Variants in FGF12 observed in about 807,000 individuals in gnomAD.
FGF12 encodes fibroblast growth factor 12, also known as fibroblast growth factor 12B.
In FGF12, 14 loss-of-function variants were observed where a neutral mutation model predicts 23.6. The observed-to-expected ratio is 0.59, with a 90% CI of 0.39 to 0.93. The LOEUF is 0.93. FGF12 is among the 40% of genes least tolerant of loss of function. The pLI is 0.00. For synonymous variants in FGF12, 62 were observed against 77.3 expected (o/e 0.80, Z 1.04); for missense variants, 175 against 217.8 (o/e 0.80, Z 1.24).
Position 192,323,398 on chromosome 3 carries a change from C to T in FGF12, c.228+11963G>A, listed in dbSNP as rs187237705. On this transcript the variant is annotated intron_variant, in intron 4 of 5. Coordinates refer to ENST00000445105, the MANE Select transcript of FGF12 (RefSeq NM_004113.6). ...TCCAGCCACAGAAAAGAATGAGATC[C>T]TGTCATCTGCAACAACATTGATAGA... 8.5e-5 allele frequency among the ~76,000 whole-genome samples: 13 copies of T among 152,298 alleles called. No individual in the cohort carries two copies. In the East Asian group the frequency reaches 2.5e-3, roughly 29 times the overall value.
intron 2 of FGF12, among the ~76,000 whole-genome samples, chr3:192,466,978 T>G (rs1240665796): frequency 6.6e-6 from 1 of 152,220 alleles, no homozygotes; most frequent in Non-Finnish European, 1.5e-5. Flanking sequence ...TCTGCCTTTT[T>G]TTAGGGTTAA....
At chr3:192,223,279 T>C (rs1223261961) in intron 4 of FGF12, among the ~76,000 whole-genome samples, 2 of 152,122 alleles carry the variant, frequency 1.3e-5, no homozygotes, top group African/African-American at 4.8e-5. Context: ...AAGTCTATTT[T>C]GGGAATGGCA....
intron 4 of FGF12, among the ~76,000 whole-genome samples, chr3:192,255,780 C>T (rs1034471004): frequency 2.0e-5 from 3 of 152,002 alleles, no homozygotes; most frequent in Admixed American, 6.6e-5. Context: ...ATTTACTAAA[C>T]GTAGCCATGC....
intron 5 of FGF12, among the ~76,000 whole-genome samples, chr3:192,167,052 A>G (rs750463546): frequency 2.0e-5 from 3 of 151,934 alleles, no homozygotes; most frequent in Non-Finnish European, 4.4e-5. Context: ...TTAGGAAATC[A>G]GAGATATTCT....
At chr3:192,371,606 A>G (rs1051266919) in intron 2 of FGF12, among the ~76,000 whole-genome samples, 2 of 152,272 alleles carry the variant, frequency 1.3e-5, no homozygotes, top group Admixed American at 6.5e-5. Context: ...TTAGTTAAAC[A>G]GTAGCAATGG....
chr3:192,276,087 G>A (rs1188278871), intron 4 of FGF12, among the ~76,000 whole-genome samples: 1 of 152,194 alleles, frequency 6.6e-6, no homozygotes, highest in Non-Finnish European at 1.5e-5. Context: ...GATTCATTAA[G>A]AATCATCAAA....
At chr3:192,365,566 T>C (rs1164862320) in intron 2 of FGF12, among the ~76,000 whole-genome samples, 1 of 151,950 alleles carries the variant, frequency 6.6e-6, no homozygotes, top group African/African-American at 2.4e-5. Flanking sequence ...CACATCTCTA[T>C]AAATTAAAAA....
At chr3:192,450,455 C>T (rs771513936) in intron 2 of FGF12, among the ~76,000 whole-genome samples, 15 of 152,018 alleles carry the variant, frequency 9.9e-5, no homozygotes, top group East Asian at 1.9e-4. Flanking sequence ...TAGATAGAAC[C>T]GAACATAGGA....
At position 192,617,896 on chromosome 3, in the gene FGF12, C is replaced by T. The variant is rs142126415; in HGVS notation, c.13+109285G>A. Among the ~76,000 whole-genome samples the T allele has an allele frequency of 2.0e-4, 30 of 152,208 alleles. No homozygotes were observed. In the East Asian group the frequency reaches 3.5e-3, roughly 18 times the overall value. ...AAATACCCTCCACACACAATCCAGA[C>T]ATACCCAGAAACGCTGGGAGTACTC... On this transcript the variant is annotated intron_variant, in intron 2 of 5. Coordinates refer to ENST00000445105, the MANE Select transcript of FGF12 (RefSeq NM_004113.6).
At chr3:192,304,665 C>G (rs1049483661) in intron 4 of FGF12, among the ~76,000 whole-genome samples, 2 of 152,114 alleles carry the variant, frequency 1.3e-5, no homozygotes, top group African/African-American at 2.4e-5. Context: ...ACACGTGAAT[C>G]TGTTATACAG....
rs560915167 is a variant in FGF12, at chr3:192,723,440, T to C, written c.13+3741A>G. ...CTCAGGTGCAATCAGTTCCCTGAGATCTACACCAGTGCTTCTTAAATGTTA... is the reference window on the plus strand; with the variant it reads ...CTCAGGTGCAATCAGTTCCCTGAGACCTACACCAGTGCTTCTTAAATGTTA... On this transcript the variant is annotated intron_variant, in intron 2 of 5. Transcript: ENST00000445105. Among the ~76,000 whole-genome samples, 3 of 152,216 alleles carry C rather than the reference T, an allele frequency of 2.0e-5. No individual in the cohort carries two copies. The South Asian group carries it at 6.2e-4, about 32-fold the overall frequency.
At chr3:192,346,553 C>A (rs186409944) in intron 3 of FGF12, among the ~76,000 whole-genome samples, 1 of 152,110 alleles carries the variant, frequency 6.6e-6, no homozygotes, top group African/African-American at 2.4e-5. Context: ...AAATGTAAAA[C>A]CTTTTATGCT....
intron 2 of FGF12, among the ~76,000 whole-genome samples, chr3:192,484,512 G>A (rs540566744): frequency 6.6e-6 from 1 of 151,968 alleles, no homozygotes; most frequent in Admixed American, 6.6e-5. Flanking sequence ...TTCTATTATT[G>A]ACATATTCAT....
At chr3:192,465,311 T>C (rs1560119384) in intron 2 of FGF12, among the ~76,000 whole-genome samples, 1 of 152,152 alleles carries the variant, frequency 6.6e-6, no homozygotes, top group African/African-American at 2.4e-5. Context: ...AATCCCAAAT[T>C]CCGAAACACC....
At chr3:192,560,424 A>G (rs1399823232) in intron 2 of FGF12, among the ~76,000 whole-genome samples, 1 of 152,076 alleles carries the variant, frequency 6.6e-6, no homozygotes, top group African/African-American at 2.4e-5. Context: ...TTTTTGTAAA[A>G]AAAGGTAATA....
At chr3:192,617,684 C>T (rs767422921) in intron 2 of FGF12, among the ~76,000 whole-genome samples, 1 of 152,100 alleles carries the variant, frequency 6.6e-6, no homozygotes, top group Non-Finnish European at 1.5e-5. Flanking sequence ...ACCCAAGATT[C>T]CACCTTTCAA....
intron 4 of FGF12, among the ~76,000 whole-genome samples, chr3:192,223,258 C>G (rs1718563424): frequency 6.6e-6 from 1 of 152,068 alleles, no homozygotes; most frequent in Non-Finnish European, 1.5e-5. Context: ...AAGCAGAATA[C>G]CATTTTAGAA....
At chr3:192,588,968 A>G (rs1423091828) in intron 2 of FGF12, among the ~76,000 whole-genome samples, 1 of 151,968 alleles carries the variant, frequency 6.6e-6, no homozygotes, top group Non-Finnish European at 1.5e-5. Flanking sequence ...TGCTGAGACT[A>G]ATAGGGATGT....
chr3:192,475,918 G>A (rs1264448366), intron 2 of FGF12, among the ~76,000 whole-genome samples: 1 of 151,236 alleles, frequency 6.6e-6, no homozygotes, highest in Non-Finnish European at 1.5e-5. Flanking sequence ...AGATATAGAT[G>A]ATAGATGATA....
Sources: allele counts gnomAD v4.1 joint callset (sites outside exome capture counted in the v4.1 genomes callset), GRCh38; gene constraint gnomAD v4.1.1; transcripts MANE v1.5; gene names NCBI Gene and HGNC (gene_info 2026-07-23, HGNC 2026-07-21).